GNAQ: variants seen among roughly 807,000 people sequenced by gnomAD.
The protein encoded by GNAQ is G protein subunit alpha q.
In GNAQ, 8 loss-of-function variants were observed where a neutral mutation model predicts 43.9. That is an observed-to-expected ratio of 0.18 (90% CI 0.11 to 0.33). The LOEUF (loss-of-function observed/expected upper bound fraction) is 0.33, where lower values mean the gene tolerates loss of function less well. Ranked by LOEUF, GNAQ falls within the 10% of genes least tolerant of loss-of-function variation. GNAQ has a pLI of 1.00. For synonymous variants in GNAQ, 155 were observed against 170.7 expected, an observed-to-expected ratio of 0.91 and a Z score of 0.71; for missense variants, 158 against 450.8, an observed-to-expected ratio of 0.35 and a Z score of 5.88.
At chr9:77,886,137 T>C (rs910926568) in intron 2 of GNAQ, among the ~76,000 whole-genome samples, 1 of 152,084 alleles carries the variant, frequency 6.6e-6, no homozygotes, top group Non-Finnish European at 1.5e-5. Flanking sequence ...TGGCTAATTT[T>C]TGTATTTTTA....
chr9:77,876,423 T>A (rs1048766949), intron 2 of GNAQ, among the ~76,000 whole-genome samples: 6 of 152,210 alleles, frequency 3.9e-5, no homozygotes, highest in Non-Finnish European at 8.8e-5. Flanking sequence ...ACAACAAATT[T>A]CCTTTTTACA....
chr9:77,764,459 CT>C (rs1033785301), intron 5 of GNAQ, among the ~76,000 whole-genome samples: 438 of 144,106 alleles, frequency 3.0e-3, no homozygotes, highest in Non-Finnish European at 3.3e-3. Flanking sequence ...TCTGAAAATA[CT>C]TTTTTTTTTT....
At chr9:77,918,104 T>C (rs1391318704) in intron 2 of GNAQ, among the ~76,000 whole-genome samples, 1 of 152,130 alleles carries the variant, frequency 6.6e-6, no homozygotes, top group African/African-American at 2.4e-5. Context: ...TCAGTTACTC[T>C]GGGGTGGCAT....
intron 2 of GNAQ, among the ~76,000 whole-genome samples, chr9:77,868,532 T>A (rs183824864): frequency 2.8e-4 from 42 of 152,342 alleles, no homozygotes; most frequent in Admixed American, 2.0e-3. Context: ...GAGCAGTGGT[T>A]TATGCCTGTA....
At chr9:77,753,974 C>T (rs771696388) in intron 5 of GNAQ, among the ~76,000 whole-genome samples, 5 of 152,174 alleles carry the variant, frequency 3.3e-5, no homozygotes, top group Non-Finnish European at 7.3e-5. Context: ...AGGGAAAAAA[C>T]TTCTCTTGAA....
intron 5 of GNAQ, among the ~76,000 whole-genome samples, chr9:77,758,320 T>C (rs189569537): frequency 6.6e-6 from 1 of 152,196 alleles, no homozygotes; most frequent in Non-Finnish European, 1.5e-5. Flanking sequence ...CATATAAGGG[T>C]TGAAACAACA....
chr9:77,909,105 C>G (rs1828757405), intron 2 of GNAQ, among the ~76,000 whole-genome samples: 2 of 152,196 alleles, frequency 1.3e-5, no homozygotes, highest in African/African-American at 4.8e-5. Flanking sequence ...ACCCCTTCCT[C>G]TGGGCCACCA....
At chr9:77,934,212 A>G (rs1047298118) in intron 1 of GNAQ, among the ~76,000 whole-genome samples, 6 of 151,906 alleles carry the variant, frequency 3.9e-5, no homozygotes, top group Non-Finnish European at 8.8e-5. Flanking sequence ...ATGAGAGCTG[A>G]GGATGAGCGA....
At chr9:77,801,609 T>C (rs1427005178) in intron 3 of GNAQ, among the ~76,000 whole-genome samples, 1 of 152,198 alleles carries the variant, frequency 6.6e-6, no homozygotes, top group Non-Finnish European at 1.5e-5. Context: ...AAGGCTCACT[T>C]TGCTTGGGGT....
At chr9:77,835,564 CAG>C (rs1390117588) in intron 2 of GNAQ, among the ~76,000 whole-genome samples, 1 of 151,996 alleles carries the variant, frequency 6.6e-6, no homozygotes, top group Non-Finnish European at 1.5e-5. Flanking sequence ...ATAGTAAAGA[CAG>C]AAAAAAATAG....
chr9:77,991,202 G>A (rs1173864289), intron 1 of GNAQ, among the ~76,000 whole-genome samples: 1 of 152,148 alleles, frequency 6.6e-6, no homozygotes, highest in Non-Finnish European at 1.5e-5. Flanking sequence ...AAAGCAGGTG[G>A]GTTTAAAAGG....
intron 2 of GNAQ, among the ~76,000 whole-genome samples, chr9:77,882,481 G>A (rs371356943): frequency 7.9e-5 from 12 of 152,284 alleles, no homozygotes; most frequent in Admixed American, 1.3e-4. Flanking sequence ...GAATTTCACC[G>A]CATCACTGCT....
rs2118487974 is a variant in GNAQ at position 77,979,038 on chromosome 9, G to A, written c.136+52062C>T. Among the ~76,000 whole-genome samples the A allele has an allele frequency of 1.3e-5, 2 of 152,150 alleles. 1 individual carries two copies. Among genetic ancestry groups the A allele is most frequent in the South Asian group, 4.1e-4 (2 of 4,820 alleles). Reference sequence around the variant, plus strand: ...CCACTGTACTCCAGCCTGAGTGACAGAGTAAGACTCTGTCTCAGAAAAATA... The same window carrying A: ...CCACTGTACTCCAGCCTGAGTGACAAAGTAAGACTCTGTCTCAGAAAAATA... On this transcript the variant is annotated intron_variant, in intron 1 of 6. Transcript: ENST00000286548.
rs1564120114 is a variant in GNAQ at position 77,819,029 on chromosome 9, A to AAAAAAAAAAAAAAAG, written c.322-3260_322-3259insCTTTTTTTTTTTTTT. Among the ~76,000 whole-genome samples, 2 of 119,184 alleles carry AAAAAAAAAAAAAAAG rather than the reference A, an allele frequency of 1.7e-5. 1 individual carries two copies. The highest frequency in any genetic ancestry group is 3.6e-5 in the Non-Finnish European group (2 of 55,984). The allele number at this position is 119,184 out of a possible 152,430, so 78.2% of individuals were successfully genotyped here. On this transcript the variant is annotated intron_variant, in intron 2 of 6. Transcript: ENST00000286548. ...AAAAAAAAAAAAAAAAAAAAAAAAA[A>AAAAAAAAAAAAAAAG]CACCCAAAAATACCTAGTATGATTT...
intron 1 of GNAQ, among the ~76,000 whole-genome samples, chr9:77,957,109 A>G (rs527983580): frequency 6.6e-6 from 1 of 152,340 alleles, no homozygotes; most frequent in South Asian, 2.1e-4. Context: ...CTGTCATCCT[A>G]GCACTTGGGG....
chr9:77,917,805 C>G (rs1189314348), intron 2 of GNAQ, among the ~76,000 whole-genome samples: 2 of 152,172 alleles, frequency 1.3e-5, no homozygotes, highest in Non-Finnish European at 2.9e-5. Context: ...CTTCTCTCAC[C>G]TGGGCTGAGT....
At chr9:77,743,671 CT>C (rs1825689327) in intron 5 of GNAQ, among the ~76,000 whole-genome samples, 3 of 130,650 alleles carry the variant, frequency 2.3e-5, no homozygotes, top group Admixed American at 1.6e-4. Flanking sequence ...TTTAAACTGA[CT>C]GATAGCTATG....
rs549260625 is a variant in GNAQ, at chr9:77,954,098, T to C, written c.137-31753A>G. ...CTGTTTCATTTCCTTATCATCTGTT[T>C]ATCATGTGATCCTGAAAAGTCCAAT... is the stretch of plus-strand genomic sequence containing the variant. On this transcript the variant is annotated intron_variant, in intron 1 of 6. Transcript: ENST00000286548. Among the ~76,000 whole-genome samples, 5 of 152,374 alleles carry C rather than the reference T, an allele frequency of 3.3e-5. No individual in the cohort carries two copies. The East Asian group carries it at 9.6e-4, about 29-fold the overall frequency.
In GNAQ at chr9:77,719,263, A is replaced by G; in HGVS notation, c.*2060T>C. On this transcript the variant is annotated 3_prime_UTR_variant, in exon 7 of 7. Coordinates refer to ENST00000286548, the MANE Select transcript of GNAQ (RefSeq NM_002072.5). ...AGCTATAGACATACAATACAATTAC[A>G]TAGATACATATCAATACAGCACATT... The G allele has an allele frequency of 4.3e-6, 1 of 232,576 alleles. No individual in the cohort carries two copies. Among genetic ancestry groups the G allele is most frequent in the Non-Finnish European group, 8.5e-6 (1 of 117,626 alleles). The allele number at this position is 232,576 out of a possible 1,614,324, so 14.4% of individuals were successfully genotyped here.
Sources: gnomAD v4.1 joint callset for allele counts (sites outside exome capture counted in the v4.1 genomes callset) on GRCh38, gnomAD v4.1.1 for gene constraint, MANE v1.5 for transcripts, NCBI Gene and HGNC (gene_info 2026-07-23, HGNC 2026-07-21) for gene names.